PITPNM3: variants seen among roughly 807,000 people sequenced by gnomAD.
PITPNM3 encodes the protein membrane-associated phosphatidylinositol transfer protein 3.
A neutral mutation model predicts 102.0 loss-of-function variants in PITPNM3; 26 were observed. The observed-to-expected ratio is 0.25, with a 90% CI of 0.19 to 0.35. PITPNM3 has a LOEUF of 0.35. PITPNM3 is among the 10% of genes least tolerant of loss of function. The pLI, the probability that PITPNM3 is intolerant of heterozygous loss-of-function variation, is 1.00. For synonymous variants in PITPNM3, 578 were observed against 558.6 expected, an observed-to-expected ratio of 1.03 and a Z score of -0.49; for missense variants, 1,083 against 1,346.1, an observed-to-expected ratio of 0.80 and a Z score of 3.06.
At chr17:6,546,747 G>A (rs1188785497) in intron 1 of PITPNM3, among the ~76,000 whole-genome samples, 6 of 152,242 alleles carry the variant, frequency 3.9e-5, no homozygotes, top group South Asian at 2.1e-4. Flanking sequence ...GCTCACGCCC[G>A]TAATCCCAGC....
At chr17:6,464,845 TCA>T in intron 14 of PITPNM3, 74 bp from the exon 15 acceptor site, 1 of 1,389,098 alleles carries the variant, frequency 7.2e-7, no homozygotes, top group South Asian at 1.2e-5. Context: ...GCAGTGTTCC[TCA>T]GACTGGCTGG....
At chr17:6,513,390 A>G (rs1416382166) in intron 3 of PITPNM3, among the ~76,000 whole-genome samples, 1 of 152,196 alleles carries the variant, frequency 6.6e-6, no homozygotes, top group Non-Finnish European at 1.5e-5. Context: ...ATGTAATCCT[A>G]TGCATAGAAA....
At chr17:6,529,605 A>T (rs1239015801) in intron 2 of PITPNM3, among the ~76,000 whole-genome samples, 1 of 152,002 alleles carries the variant, frequency 6.6e-6, no homozygotes, top group Non-Finnish European at 1.5e-5. Flanking sequence ...AAAAAAAAAA[A>T]AATCTCCTTG....
At chr17:6,546,104 G>A (rs1275296181) in intron 1 of PITPNM3, among the ~76,000 whole-genome samples, 2 of 152,238 alleles carry the variant, frequency 1.3e-5, no homozygotes, top group African/African-American at 2.4e-5. Flanking sequence ...GCTGTCCAGG[G>A]AGAGATGAGA....
rs143785279 is a variant in PITPNM3, at chr17:6,472,709, G to T, written c.1377C>A (p.Ser459Arg). 1 of 1,613,880 alleles carries T rather than the reference G, an allele frequency of 6.2e-7. No homozygotes were observed. Among genetic ancestry groups the T allele is most frequent in the Non-Finnish European group, 8.5e-7 (1 of 1,179,980 alleles). ...GTGGGAACCTCTGGTAGCGAGGCAC[G>T]CTGACAGGCGGCACCAGGTGGAACT... ...EPKFHLVPPV[S>R]VPRYQRFPLG... Residue 459 changes from serine (S) to arginine (R), a missense_variant, in exon 11 of 20, where the codon AGC becomes AGA. Transcript: ENST00000262483. This position sits in a 1 kb window ranked among gnomAD's most constrained non-coding sequence, Gnocchi z 4.1.
chr17:6,478,161 C>G lies in PITPNM3; in HGVS notation c.778-64G>C. The G allele has an allele frequency of 6.2e-7, 1 of 1,605,426 alleles. No individual in the cohort carries two copies. The highest frequency in any genetic ancestry group is 8.5e-7 in the Non-Finnish European group (1 of 1,178,994). ...GCTGACCCCTCACCCCCACACCCGG[C>G]CAGAGCAGTGCTGCCTCCCCACAGG... is the stretch of plus-strand genomic sequence containing the variant. On this transcript the variant is annotated intron_variant, in intron 7 of 19. Transcript: ENST00000262483. This position sits in a 1 kb window ranked among gnomAD's most constrained non-coding sequence, Gnocchi z 4.4.
chr17:6,472,425 C>T lies in PITPNM3; in HGVS notation c.1429+232G>A, dbSNP rs939433730. Reference sequence around the variant, plus strand: ...AAGCTCAAGTTTACACCAGCCCTGGCCACAGGAGTGTGTCCGGGAGCCTGT... The same window carrying T: ...AAGCTCAAGTTTACACCAGCCCTGGTCACAGGAGTGTGTCCGGGAGCCTGT... On this transcript the variant is annotated intron_variant, in intron 11 of 19. Coordinates refer to ENST00000262483, the MANE Select transcript of PITPNM3 (RefSeq NM_031220.4). This position sits in a 1 kb window ranked among gnomAD's most constrained non-coding sequence, Gnocchi z 4.1. Among the ~76,000 whole-genome samples the T allele has an allele frequency of 2.0e-5, 3 of 152,228 alleles. No individual in the cohort carries two copies. The highest frequency in any genetic ancestry group is 7.2e-5 in the African/African-American group (3 of 41,466).
chr17:6,527,934 C>A (rs1908926646), intron 2 of PITPNM3, among the ~76,000 whole-genome samples: 1 of 152,236 alleles, frequency 6.6e-6, no homozygotes, highest in African/African-American at 2.4e-5. Flanking sequence ...GAGGTCTGAG[C>A]ATGCCTACTC....
rs151186610 is a variant in PITPNM3, at chr17:6,515,436, ATAT to A, written c.226+9917_226+9919del. ...AAAAAAGAAAGAAAGAAAAGAAAAA[ATAT>A]TATTGAGCTAGATAATGGTGATAGT... On this transcript the variant is annotated intron_variant, in intron 3 of 19. Transcript: ENST00000262483. Among the ~76,000 whole-genome samples, 1,178 of 151,888 alleles carry A rather than the reference ATAT, an allele frequency of 7.8e-3. 12 individuals are homozygous for A. The highest frequency in any genetic ancestry group is 0.027 in the African/African-American group (1,114 of 41,374).
rs2150732767 is a variant in PITPNM3 at position 6,478,858 on chromosome 17, G to A, written c.588-122C>T. 1 of 985,136 alleles carries A rather than the reference G, an allele frequency of 1.0e-6. No individual in the cohort carries two copies. Among genetic ancestry groups the A allele is most frequent in the East Asian group, 2.6e-5 (1 of 38,126 alleles). The allele number at this position is 985,136 out of a possible 1,614,324, so 61.0% of individuals were successfully genotyped here. On this transcript the variant is annotated intron_variant, in intron 6 of 19. Transcript: ENST00000262483. The surrounding 1 kb of genome is among the most constrained non-coding windows in gnomAD (Gnocchi z 4.4). ...GAATTGGGCTCCAGGGACCCTTCAG[G>A]AAGACCCAGGCAGGAGCCTGGTGAC...
chr17:6,547,607 T>C (rs1357408464), intron 1 of PITPNM3, among the ~76,000 whole-genome samples: 1 of 152,188 alleles, frequency 6.6e-6, no homozygotes, highest in African/African-American at 2.4e-5. Flanking sequence ...GCATTCCTTC[T>C]GCTCATGGCA....
In PITPNM3 at chr17:6,472,523, G is replaced by A; in HGVS notation, c.1429+134C>T. 1 of 1,237,726 alleles carries A rather than the reference G, an allele frequency of 8.1e-7. No individual in the cohort carries two copies. Among genetic ancestry groups the A allele is most frequent in the Middle Eastern group, 2.7e-4 (1 of 3,668 alleles). 76.7% of individuals were successfully genotyped at this position (1,237,726 alleles called of 1,614,324 possible). A position where few individuals can be genotyped will look rare whatever the true frequency, so the allele number is the denominator to read the frequency against. On this transcript the variant is annotated intron_variant, in intron 11 of 19. Transcript: ENST00000262483. This position sits in a 1 kb window ranked among gnomAD's most constrained non-coding sequence, Gnocchi z 4.1. Reference sequence around the variant, plus strand: ...ACAGGTGGGCGACTCTGAAGACAGAGGAGTCGGCTAACCTTCTGTTCTCAC... The same window carrying A: ...ACAGGTGGGCGACTCTGAAGACAGAAGAGTCGGCTAACCTTCTGTTCTCAC...
In PITPNM3 at chr17:6,525,447, C is replaced by T. The variant is rs1908775235; in HGVS notation, c.135G>A (p.Gly45=). 6.2e-7 allele frequency: 1 copy of T among 1,614,130 alleles called. No homozygotes were observed. Among genetic ancestry groups the T allele is most frequent in the Non-Finnish European group, 8.5e-7 (1 of 1,179,964 alleles). Reference sequence around the variant, plus strand: ...TCATCCCAATGAGGATGGCATTCTTCCCTTCAGCCATCTCCTCTGTGGGAA... The same window carrying T: ...TCATCCCAATGAGGATGGCATTCTTTCCTTCAGCCATCTCCTCTGTGGGAA... ...FFDAREEMAE[G]KNAILIGMSQ... The change falls in exon 3 of 20, where the codon GGG becomes GGA. Residue 45 remains glycine, a synonymous_variant. Coordinates refer to ENST00000262483, the MANE Select transcript of PITPNM3 (RefSeq NM_031220.4).
intron 3 of PITPNM3, among the ~76,000 whole-genome samples, chr17:6,519,678 A>G (rs1470393609): frequency 2.0e-5 from 3 of 151,676 alleles, no homozygotes; most frequent in Non-Finnish European, 4.4e-5. Context: ...AAAAATATAA[A>G]AAGTAGCCAG....
rs779294170 is a variant in PITPNM3 at position 6,471,297 on chromosome 17, C to T, written c.1488G>A (p.Pro496=). 47 of 1,611,014 alleles carry T rather than the reference C, an allele frequency of 2.9e-5. No homozygotes were observed. The East Asian group carries it at 4.7e-4, about 16-fold the overall frequency. ...LFLEGSSRDS[P]PLLDAPASPP... ...GCGAGGCAGGGGCATCCAGAAGTGGCGGGCTGTCCCGGGAGCTGCCCTCCA... is the reference window on the plus strand; with the variant it reads ...GCGAGGCAGGGGCATCCAGAAGTGGTGGGCTGTCCCGGGAGCTGCCCTCCA... The change falls in exon 12 of 20, where the codon CCG becomes CCA. Residue 496 remains proline, a synonymous_variant. Transcript: ENST00000262483.
At chr17:6,546,830 C>T (rs1157342928) in intron 1 of PITPNM3, among the ~76,000 whole-genome samples, 2 of 152,178 alleles carry the variant, frequency 1.3e-5, no homozygotes, top group African/African-American at 4.8e-5. Flanking sequence ...CAGGGCGAAA[C>T]CCCATCTCTA....
At position 6,483,426 on chromosome 17, in the gene PITPNM3, C is replaced by T. The variant is rs563029503; in HGVS notation, c.587+91G>A. ...CCCAGAGAGTCCTTGCAGGTACCCACCTGCCCACGGGGTCCATGCTGCAGG... is the reference window on the plus strand; with the variant it reads ...CCCAGAGAGTCCTTGCAGGTACCCATCTGCCCACGGGGTCCATGCTGCAGG... On this transcript the variant is annotated intron_variant, in intron 6 of 19. Transcript: ENST00000262483. The T allele has an allele frequency of 2.8e-5, 36 of 1,280,430 alleles. No individual in the cohort carries two copies. The East Asian group carries it at 3.8e-4, about 13-fold the overall frequency. The allele number at this position is 1,280,430 out of a possible 1,614,324, so 79.3% of individuals were successfully genotyped here. A position where few individuals can be genotyped will look rare whatever the true frequency, so the allele number is the denominator to read the frequency against.
rs527397253 is a variant in PITPNM3 at position 6,475,892 on chromosome 17, C to G, written c.1085+1137G>C. 4.6e-5 allele frequency among the ~76,000 whole-genome samples: 7 copies of G among 152,288 alleles called. No homozygotes were observed. In the South Asian group the frequency reaches 1.4e-3, roughly 32 times the overall value. On this transcript the variant is annotated intron_variant, in intron 9 of 19. Coordinates refer to ENST00000262483, the MANE Select transcript of PITPNM3 (RefSeq NM_031220.4). The stretch of plus-strand genomic sequence containing the variant: ...ATCTGTCAGCGGGGCTTTAAACATT[C>G]AGAGATTTAAATGTGCAGAGTCTTT...
chr17:6,475,341 A>G (rs1905255235), intron 9 of PITPNM3, among the ~76,000 whole-genome samples: 1 of 152,240 alleles, frequency 6.6e-6, no homozygotes, highest in African/African-American at 2.4e-5. Flanking sequence ...GACCCAGAGT[A>G]GGACGCTGAG....
Sources: allele counts gnomAD v4.1 joint callset (sites outside exome capture counted in the v4.1 genomes callset), GRCh38; gene constraint gnomAD v4.1.1; non-coding constraint Gnocchi (gnomAD v3.1); transcripts MANE v1.5; gene names NCBI Gene and HGNC (gene_info 2026-07-23, HGNC 2026-07-21).